The following GNG12 variants were observed in gnomAD, a reference collection of about 807,000 sequenced individuals.
GNG12 encodes guanine nucleotide-binding protein G(I)/G(S)/G(O) subunit gamma-12.
For synonymous variants in GNG12, 28 were observed against 29.7 expected, an observed-to-expected ratio of 0.94 and a Z score of 0.19; for missense variants, 69 against 83.8, an observed-to-expected ratio of 0.82 and a Z score of 0.69.
In GNG12 at chr1:67,763,118, A is replaced by AGAGAGAGAGAGAGAGAGAAT; in HGVS notation, c.-27+14339_-27+14340insATTCTCTCTCTCTCTCTCTC. Among the ~76,000 whole-genome samples, 3 of 151,808 alleles carry AGAGAGAGAGAGAGAGAGAAT rather than the reference A, an allele frequency of 2.0e-5. No homozygotes were observed. In the South Asian group the frequency reaches 6.3e-4, roughly 32 times the overall value. ...GAGAGAGAGAGAGAGAGAGAGAGAG[A>AGAGAGAGAGAGAGAGAGAAT]GAATCAATATGAAGTTTTACTCCTA... On this transcript the variant is annotated intron_variant, in intron 2 of 3. Transcript: ENST00000370982.
In GNG12 at chr1:67,703,212, C is replaced by T. The variant is rs1213575554; in HGVS notation, c.*2239G>A. 1 of 152,042 alleles carries T rather than the reference C, an allele frequency of 6.6e-6. No homozygotes were observed. The highest frequency in any genetic ancestry group is 1.5e-5 in the Non-Finnish European group (1 of 68,000). The allele number at this position is 152,042 out of a possible 1,614,324, so 9.4% of individuals were successfully genotyped here. On this transcript the variant is annotated 3_prime_UTR_variant, in exon 4 of 4. Transcript: ENST00000370982. ...TACTCATAGCCTTTATTGTATCTGA[C>T]CAGGGTGAATAAAATGAAATCTCCT...
intron 2 of GNG12, among the ~76,000 whole-genome samples, chr1:67,755,367 A>G (rs929878206): frequency 3.3e-5 from 5 of 152,112 alleles, no homozygotes; most frequent in Admixed American, 3.3e-4. Flanking sequence ...TTCACTTCCT[A>G]TTTTGTCTTA....
At chr1:67,705,810 A>G (rs192674041) in intron 3 of GNG12, among the ~76,000 whole-genome samples, 52 of 152,302 alleles carry the variant, frequency 3.4e-4, no homozygotes, top group African/African-American at 1.2e-3. Flanking sequence ...ATGGTCAGAC[A>G]AACTGGCACC....
chr1:67,804,986 G>A, intron 1 of GNG12, among the ~76,000 whole-genome samples: 1 of 152,142 alleles, frequency 6.6e-6, no homozygotes, highest in East Asian at 1.9e-4. Context: ...TTCTTAATAT[G>A]GACTGCCCTC....
chr1:67,744,708 G>T (rs536037086), intron 2 of GNG12, among the ~76,000 whole-genome samples: 128 of 152,260 alleles, frequency 8.4e-4, no homozygotes, highest in African/African-American at 2.9e-3. Context: ...ATCCTCACTA[G>T]AACCCTACAA....
chr1:67,706,049 G>A (rs971585705), intron 3 of GNG12, among the ~76,000 whole-genome samples: 1 of 152,196 alleles, frequency 6.6e-6, no homozygotes, highest in Admixed American at 6.5e-5. Flanking sequence ...CATTATATAT[G>A]TTTTGTGTGT....
At chr1:67,726,341 A>G (rs888742109) in intron 2 of GNG12, among the ~76,000 whole-genome samples, 2 of 152,216 alleles carry the variant, frequency 1.3e-5, no homozygotes, top group East Asian at 1.9e-4. Context: ...TACACAAAGA[A>G]TAAGTATGTG....
intron 2 of GNG12, among the ~76,000 whole-genome samples, chr1:67,730,277 AT>A (rs753334846): frequency 6.6e-6 from 1 of 152,230 alleles, no homozygotes; most frequent in Non-Finnish European, 1.5e-5. Context: ...AGGCAGGCAG[AT>A]TACATGAGGC....
At chr1:67,745,453 T>C (rs555891219) in intron 2 of GNG12, among the ~76,000 whole-genome samples, 86 of 152,346 alleles carry the variant, frequency 5.6e-4, no homozygotes, top group Non-Finnish European at 1.0e-3. Flanking sequence ...CCAGGCAGCA[T>C]GGCATTGGGA....
chr1:67,810,059 T>A (rs903783817), intron 1 of GNG12, among the ~76,000 whole-genome samples: 1 of 152,142 alleles, frequency 6.6e-6, no homozygotes, highest in Non-Finnish European at 1.5e-5. Context: ...CTTTGATACA[T>A]CCATACAATA....
At chr1:67,744,109 T>C (rs1297443775) in intron 2 of GNG12, among the ~76,000 whole-genome samples, 1 of 152,212 alleles carries the variant, frequency 6.6e-6, no homozygotes, top group African/African-American at 2.4e-5. Context: ...TACCAGGTAC[T>C]GGTGCTACAC....
intron 1 of GNG12, among the ~76,000 whole-genome samples, chr1:67,827,986 C>G (rs1647021230): frequency 6.6e-6 from 1 of 152,218 alleles, no homozygotes; most frequent in African/African-American, 2.4e-5. Flanking sequence ...TGGATCCATG[C>G]TACCTGTTAA....
At chr1:67,705,726 T>C in intron 3 of GNG12, 150 bp from the exon 4 acceptor site, 1 of 1,347,486 alleles carries the variant, frequency 7.4e-7, no homozygotes. Context: ...TCTTGTCAGG[T>C]ATAAAAAGGA....
At chr1:67,793,923 C>A (rs1442665026) in intron 1 of GNG12, among the ~76,000 whole-genome samples, 1 of 152,330 alleles carries the variant, frequency 6.6e-6, no homozygotes, top group East Asian at 1.9e-4. Context: ...CACCACTTGA[C>A]TCCAGAAAAT....
chr1:67,739,534 C>T (rs1469120982), intron 2 of GNG12, among the ~76,000 whole-genome samples: 1 of 152,188 alleles, frequency 6.6e-6, no homozygotes, highest in African/African-American at 2.4e-5. Flanking sequence ...TGGAAAATCA[C>T]AGAATAGGGG....
At chr1:67,778,284 C>A (rs781253714) in intron 1 of GNG12, among the ~76,000 whole-genome samples, 2 of 151,486 alleles carry the variant, frequency 1.3e-5, no homozygotes, top group Non-Finnish European at 2.9e-5. Context: ...TTTTTTAGAC[C>A]AAATCTTCAA....
intron 2 of GNG12, among the ~76,000 whole-genome samples, chr1:67,710,140 A>ATATATATAGTTATATATATAGT (rs1557592317): frequency 1.7e-4 from 1 of 6,044 alleles, no homozygotes; most frequent in African/African-American, 5.8e-4. Context: ...ATATATAGTT[A>ATATATATAGTTATATATATAGT]TATATATATA....
intron 2 of GNG12, among the ~76,000 whole-genome samples, chr1:67,710,603 A>G (rs1434851832): frequency 2.0e-5 from 3 of 152,094 alleles, no homozygotes; most frequent in Non-Finnish European, 4.4e-5. Flanking sequence ...AGGTCCCTCT[A>G]AAGTTGGCGA....
chr1:67,778,534 C>T (rs1310628714), intron 1 of GNG12, among the ~76,000 whole-genome samples: 4 of 152,218 alleles, frequency 2.6e-5, no homozygotes, highest in African/African-American at 9.6e-5. Flanking sequence ...GACATAATGA[C>T]AGCAAATACT....
Sources: gnomAD v4.1 joint callset for allele counts (sites outside exome capture counted in the v4.1 genomes callset) on GRCh38, gnomAD v4.1.1 for gene constraint, MANE v1.5 for transcripts, NCBI Gene and HGNC (gene_info 2026-07-23, HGNC 2026-07-21) for gene names.